SKIC2: variants seen among roughly 807,000 people sequenced by gnomAD.
SKIC2 encodes the protein superkiller complex protein 2.
chr6:31,965,793 C>T, the SKIC2 span: 1 of 1,606,136 alleles, frequency 6.2e-7, no homozygotes, highest in Non-Finnish European at 8.5e-7. The surrounding 1 kb of genome is among the most constrained non-coding windows in gnomAD (Gnocchi z 5.6). Flanking sequence ...GTCTTGTTTG[C>T]CACAGAGACC....
chr6:31,968,291 A>C, the SKIC2 span: 1 of 1,551,674 alleles, frequency 6.4e-7, no homozygotes, highest in Non-Finnish European at 8.9e-7. This position sits in a 1 kb window ranked among gnomAD's most constrained non-coding sequence, Gnocchi z 6.1. Flanking sequence ...GGGAGAGAAG[A>C]TCTTACCCCA....
chr6:31,959,479 T>A, the SKIC2 span: 1 of 1,008,810 alleles, frequency 9.9e-7, no homozygotes, highest in Non-Finnish European at 1.6e-6. Flanking sequence ...GGATCTAGCT[T>A]AACCTTGTTC....
chr6:31,969,356 A>C, the SKIC2 span: 2 of 1,614,082 alleles, frequency 1.2e-6, no homozygotes, highest in East Asian at 2.2e-5. The surrounding 1 kb of genome is among the most constrained non-coding windows in gnomAD (Gnocchi z 6.1). Context: ...CAGACGGTGG[A>C]GGAATTTGTG....
chr6:31,961,290 G>A, the SKIC2 span: 10 of 1,607,342 alleles, frequency 6.2e-6, no homozygotes, highest in Admixed American at 1.7e-4. Context: ...ATGAGGCAGT[G>A]GGACAGCCAG....
the SKIC2 span, chr6:31,963,528 C>G: frequency 1.9e-6 from 3 of 1,601,980 alleles, no homozygotes; most frequent in Admixed American, 1.8e-5. This position sits in a 1 kb window ranked among gnomAD's most constrained non-coding sequence, Gnocchi z 5.3. Context: ...CTTTTTGTTG[C>G]TGGACTCCCG....
the SKIC2 span, chr6:31,967,595 C>T: frequency 8.5e-7 from 1 of 1,178,800 alleles, no homozygotes; most frequent in Non-Finnish European, 1.2e-6. The surrounding 1 kb of genome is among the most constrained non-coding windows in gnomAD (Gnocchi z 4.9). Flanking sequence ...GGTTGCCCCT[C>T]TCTACTGGTG....
At chr6:31,963,461 C>T in the SKIC2 span, 55 of 1,611,230 alleles carry the variant, frequency 3.4e-5, no homozygotes, top group Non-Finnish European at 4.6e-5. This position sits in a 1 kb window ranked among gnomAD's most constrained non-coding sequence, Gnocchi z 5.3. Flanking sequence ...TAACCCGCCC[C>T]GTGCCCCTGG....
the SKIC2 span, chr6:31,966,757 A>T: frequency 1.9e-6 from 3 of 1,614,090 alleles, no homozygotes; most frequent in Non-Finnish European, 8.5e-7. This position sits in a 1 kb window ranked among gnomAD's most constrained non-coding sequence, Gnocchi z 5.9. Context: ...GTACACTATG[A>T]TCCTCAACTT....
the SKIC2 span, chr6:31,964,036 C>T: frequency 6.2e-6 from 10 of 1,612,638 alleles, no homozygotes; most frequent in East Asian, 2.2e-5. This position sits in a 1 kb window ranked among gnomAD's most constrained non-coding sequence, Gnocchi z 5.0. Flanking sequence ...CTCCCTTGAC[C>T]TCACCACCAG....
chr6:31,966,978 C>T, the SKIC2 span: 1 of 1,613,042 alleles, frequency 6.2e-7, no homozygotes, highest in East Asian at 2.2e-5. The surrounding 1 kb of genome is among the most constrained non-coding windows in gnomAD (Gnocchi z 5.9). Context: ...ACTCCCCTTT[C>T]ACAGCTTCCC....
chr6:31,959,271 C>T, the SKIC2 span: 3 of 1,607,248 alleles, frequency 1.9e-6, no homozygotes, highest in African/African-American at 1.3e-5. Flanking sequence ...GAACTTTGAC[C>T]CCTGACTTTT....
the SKIC2 span, chr6:31,963,368 T>C: frequency 1.3e-6 from 2 of 1,503,416 alleles, no homozygotes; most frequent in Non-Finnish European, 1.8e-6. The surrounding 1 kb of genome is among the most constrained non-coding windows in gnomAD (Gnocchi z 5.3). Flanking sequence ...TGTGGGTTCC[T>C]TCCCACGTTC....
At chr6:31,966,992 C>T in the SKIC2 span, 1 of 1,612,996 alleles carries the variant, frequency 6.2e-7, no homozygotes, top group Non-Finnish European at 8.5e-7. The surrounding 1 kb of genome is among the most constrained non-coding windows in gnomAD (Gnocchi z 5.9). Flanking sequence ...GCTTCCCCTG[C>T]TCCCACCCAA....
chr6:31,959,303 C>T, the SKIC2 span: 19 of 1,613,220 alleles, frequency 1.2e-5, no homozygotes, highest in East Asian at 2.5e-4. Flanking sequence ...GTAGTGCTAC[C>T]CCCTCCAGAT....
At chr6:31,962,437 A>G in the SKIC2 span, 8 of 1,614,086 alleles carry the variant, frequency 5.0e-6, no homozygotes, top group Non-Finnish European at 6.8e-6. This position sits in a 1 kb window ranked among gnomAD's most constrained non-coding sequence, Gnocchi z 5.0. Context: ...CTCTCTTCCC[A>G]GCACCATCTA....
chr6:31,967,078 G>A, the SKIC2 span: 1 of 1,612,948 alleles, frequency 6.2e-7, no homozygotes, highest in East Asian at 2.2e-5. The surrounding 1 kb of genome is among the most constrained non-coding windows in gnomAD (Gnocchi z 4.9). Context: ...CTGGCCAACT[G>A]GTCGACCTGC....
chr6:31,965,724 G>A, the SKIC2 span: 6 of 1,057,560 alleles, frequency 5.7e-6, no homozygotes, highest in Non-Finnish European at 1.5e-6. The surrounding 1 kb of genome is among the most constrained non-coding windows in gnomAD (Gnocchi z 5.6). Flanking sequence ...GCTTGGCCAG[G>A]GCTGGGGGTG....
At chr6:31,968,637 G>T in the SKIC2 span, 1 of 1,558,944 alleles carries the variant, frequency 6.4e-7, no homozygotes, top group Non-Finnish European at 8.8e-7. The surrounding 1 kb of genome is among the most constrained non-coding windows in gnomAD (Gnocchi z 6.1). Context: ...TGTCCTCAGT[G>T]CACCCCTGCT....
At chr6:31,959,211 C>T in the SKIC2 span, 1 of 1,608,550 alleles carries the variant, frequency 6.2e-7, no homozygotes. Context: ...GACAGAGCGA[C>T]TTGGTGAGGG....
Sources: allele counts gnomAD v4.1 joint callset, GRCh38; gene constraint gnomAD v4.1.1; non-coding constraint Gnocchi (gnomAD v3.1); transcripts MANE v1.5; gene names NCBI Gene and HGNC (gene_info 2026-07-23, HGNC 2026-07-21).